Variants in SPINDOC observed in about 807,000 individuals in gnomAD.
The protein encoded by SPINDOC is spindlin interactor and repressor of chromatin-binding protein.
SPINDOC carries 13 observed loss-of-function variants against 30.7 expected under a neutral mutation model. The ratio of observed to expected loss-of-function variants is 0.42; its 90% CI spans 0.28 to 0.67. The LOEUF is 0.67. Ranked by LOEUF, SPINDOC falls within the 30% of genes least tolerant of loss-of-function variation. The pLI, the probability that SPINDOC is intolerant of heterozygous loss-of-function variation, is 0.22. For missense variants in SPINDOC, 438 were observed against 518.0 expected (o/e 0.85, Z 1.50); for synonymous variants, 228 against 211.4 (o/e 1.08, Z -0.68).
chr11:63,819,827 C>T (rs912105636), intron 5 of SPINDOC, among the ~76,000 whole-genome samples: 2 of 152,138 alleles, frequency 1.3e-5, no homozygotes, highest in Admixed American at 6.6e-5. Context: ...TTCCTTGTTT[C>T]CTGGAATTGG....
In SPINDOC at chr11:63,818,681, G is replaced by C; in HGVS notation, c.733+29G>C. 2 of 1,612,786 alleles carry C rather than the reference G, an allele frequency of 1.2e-6. No individual in the cohort carries two copies. The highest frequency in any genetic ancestry group is 1.7e-6 in the Non-Finnish European group (2 of 1,179,744). On this transcript the variant is annotated intron_variant, in intron 4 of 5. Transcript: ENST00000294244. The surrounding 1 kb of genome is among the most constrained non-coding windows in gnomAD (Gnocchi z 5.3). ...AAGGGGAGGCCCGGGGGAGGCGTGG[G>C]CTCTGGCCGCAGTGCTCTGAGGAAA... is the stretch of plus-strand genomic sequence containing the variant.
At chr11:63,819,909 C>T (rs549366873) in intron 5 of SPINDOC, among the ~76,000 whole-genome samples, 1 of 152,352 alleles carries the variant, frequency 6.6e-6, no homozygotes, top group East Asian at 1.9e-4. Context: ...TTTGTTCTAG[C>T]TAGAGCCTGA....
intron 5 of SPINDOC, among the ~76,000 whole-genome samples, chr11:63,819,576 A>C (rs2015453202): frequency 6.6e-6 from 1 of 150,768 alleles, no homozygotes; most frequent in Non-Finnish European, 1.5e-5. Context: ...GGTTCAGTGC[A>C]TCCTCTGCTT....
intron 5 of SPINDOC, chr11:63,822,941 A>C: frequency 8.1e-7 from 1 of 1,234,650 alleles, no homozygotes; most frequent in South Asian, 1.3e-5. Flanking sequence ...AGGCTGCTTG[A>C]GTGATCTGAG....
chr11:63,820,707 C>A (rs376579092), intron 5 of SPINDOC, among the ~76,000 whole-genome samples: 1 of 150,668 alleles, frequency 6.6e-6, no homozygotes, highest in Non-Finnish European at 1.5e-5. Context: ...CTGGCTAACA[C>A]GGTGAAACCC....
At chr11:63,819,150 G>A in intron 5 of SPINDOC, 148 bp downstream of exon 5, 1 of 693,398 alleles carries the variant, frequency 1.4e-6, no homozygotes, top group South Asian at 1.9e-5. Flanking sequence ...CTGGTACACG[G>A]GGCCGGGGCA....
intron 5 of SPINDOC, among the ~76,000 whole-genome samples, chr11:63,825,867 CAAAT>C (rs965340443): frequency 2.6e-5 from 4 of 152,086 alleles, no homozygotes; most frequent in African/African-American, 9.7e-5. Context: ...GGAACACACA[CAAAT>C]AAATCCTTCC....
rs2015250930 is a variant in SPINDOC at position 63,813,555 on chromosome 11, C to T, written c.-132C>T. On this transcript the variant is annotated 5_prime_UTR_variant, in exon 1 of 6. Coordinates refer to ENST00000294244, the MANE Select transcript of SPINDOC (RefSeq NM_138471.3). Reference sequence around the variant, plus strand: ...CGGCCGGCGAGCGGCGGGCGGGCGGCGGGGAGGGGGCTGCGCGGGGCGGGC... The same window carrying T: ...CGGCCGGCGAGCGGCGGGCGGGCGGTGGGGAGGGGGCTGCGCGGGGCGGGC... 1.3e-6 allele frequency: 1 copy of T among 743,364 alleles called. No individual in the cohort carries two copies. Among genetic ancestry groups the T allele is most frequent in the African/African-American group, 1.9e-5 (1 of 51,866 alleles). The allele number at this position is 743,364 out of a possible 1,614,324, so 46.0% of individuals were successfully genotyped here.
chr11:63,813,879 C>G lies in SPINDOC; in HGVS notation c.127+66C>G, dbSNP rs571105327. On this transcript the variant is annotated intron_variant, in intron 1 of 5. Coordinates refer to ENST00000294244, the MANE Select transcript of SPINDOC (RefSeq NM_138471.3). Reference sequence around the variant, plus strand: ...GGCCGGGGCTGGGGCCGTCCCTCCCCAGTCGGGGTCCGGGACCCGGGCACC... The same window carrying G: ...GGCCGGGGCTGGGGCCGTCCCTCCCGAGTCGGGGTCCGGGACCCGGGCACC... 66 of 1,417,714 alleles carry G rather than the reference C, an allele frequency of 4.7e-5. No homozygotes were observed. The African/African-American group carries it at 8.9e-4, about 19-fold the overall frequency. The allele number at this position is 1,417,714 out of a possible 1,614,324, so 87.8% of individuals were successfully genotyped here.
At chr11:63,824,447 C>T (rs892518786) in intron 5 of SPINDOC, among the ~76,000 whole-genome samples, 9 of 152,122 alleles carry the variant, frequency 5.9e-5, no homozygotes, top group African/African-American at 1.9e-4. Flanking sequence ...AGGGTGTTTG[C>T]GTCCTGCACT....
At chr11:63,814,735 GA>G (rs1270651250) in intron 1 of SPINDOC, among the ~76,000 whole-genome samples, 1 of 152,146 alleles carries the variant, frequency 6.6e-6, no homozygotes, top group Non-Finnish European at 1.5e-5. Context: ...TTTGGAACTG[GA>G]AGGGTTATAA....
intron 5 of SPINDOC, among the ~76,000 whole-genome samples, chr11:63,825,468 T>C (rs1035435860): frequency 6.6e-6 from 1 of 152,238 alleles, no homozygotes; most frequent in African/African-American, 2.4e-5. Flanking sequence ...TTTGCTACTT[T>C]GCATCTGTCC....
Position 63,818,548 on chromosome 11 carries a change from G to A in SPINDOC, c.629G>A (p.Gly210Glu), listed in dbSNP as rs1350701579. 6.2e-7 allele frequency: 1 copy of A among 1,613,096 alleles called. No homozygotes were observed. The highest frequency in any genetic ancestry group is 1.7e-5 in the Admixed American group (1 of 60,010). The change falls in exon 4 of 6, where the codon GGA (glycine) becomes GAA (glutamate). Residue 210 changes from glycine (G) to glutamate (E), a missense_variant. Transcript: ENST00000294244. The surrounding 1 kb of genome is among the most constrained non-coding windows in gnomAD (Gnocchi z 5.3). ...GCAGCTGTCCCTGCCACAGAGCCAGGAAATAAGAAGCCCCGTGGTCAGAGA... is the reference window on the plus strand; with the variant it reads ...GCAGCTGTCCCTGCCACAGAGCCAGAAAATAAGAAGCCCCGTGGTCAGAGA... The part of the protein sequence containing the change: ...ELPAVPATEP[G>E]NKKPRGQRWK...
intron 1 of SPINDOC, among the ~76,000 whole-genome samples, chr11:63,814,176 G>T (rs2015275995): frequency 1.3e-5 from 2 of 152,242 alleles, no homozygotes; most frequent in Non-Finnish European, 1.5e-5. Flanking sequence ...TCACAGCCTG[G>T]GAAGGGGAGG....
rs980846581 is a variant in SPINDOC, at chr11:63,822,735, C to G, written c.934+3733C>G. On this transcript the variant is annotated intron_variant, in intron 5 of 5. Coordinates refer to ENST00000294244, the MANE Select transcript of SPINDOC (RefSeq NM_138471.3). ...TGGTCCTCTCCGGTGGATCCCTGCT[C>G]TAAATGGCTGACCTCTTCCACTGTC... 1.4e-5 allele frequency: 18 copies of G among 1,288,930 alleles called. No homozygotes were observed. The African/African-American group carries it at 2.1e-4, about 15-fold the overall frequency. The allele number at this position is 1,288,930 out of a possible 1,614,324, so 79.8% of individuals were successfully genotyped here.
At chr11:63,814,396 A>C (rs2015283797) in intron 1 of SPINDOC, among the ~76,000 whole-genome samples, 1 of 152,166 alleles carries the variant, frequency 6.6e-6, no homozygotes, top group South Asian at 2.1e-4. Flanking sequence ...GAAGGGATGA[A>C]TGGGACTGCA....
intron 1 of SPINDOC, among the ~76,000 whole-genome samples, chr11:63,814,803 A>G (rs1442169164): frequency 2.0e-5 from 3 of 152,188 alleles, no homozygotes; most frequent in East Asian, 1.9e-4. Flanking sequence ...TCCAAAAGAT[A>G]GGTTGTTTTC....
At chr11:63,816,549 C>T (rs948514720) in intron 1 of SPINDOC, among the ~76,000 whole-genome samples, 2 of 152,012 alleles carry the variant, frequency 1.3e-5, no homozygotes, top group South Asian at 2.1e-4. Flanking sequence ...CCATGCAAGC[C>T]GAGGCTCCTA....
rs1232696994 is a variant in SPINDOC, at chr11:63,818,348, G to A, written c.590G>A (p.Arg197His). The A allele has an allele frequency of 5.6e-6, 9 of 1,613,824 alleles. No homozygotes were observed. Among genetic ancestry groups the A allele is most frequent in the Middle Eastern group, 1.6e-4 (1 of 6,062 alleles). The change falls in exon 3 of 6, where the codon CGC becomes CAC. Residue 197 changes from arginine to histidine, a missense_variant. By Grantham distance (29) the Arg-to-His change is conservative (BLOSUM62 0). Coordinates refer to ENST00000294244, the MANE Select transcript of SPINDOC (RefSeq NM_138471.3). The surrounding 1 kb of genome is among the most constrained non-coding windows in gnomAD (Gnocchi z 5.3). ...LPKRSRPRGL[R>H]PLELPAVPAT... ...AAAAGGAGCCGGCCCAGGGGACTCC[G>A]CCCCCTCGAGCTTCCTGGTTAGTCA... is the stretch of plus-strand genomic sequence containing the variant.
Sources: allele counts gnomAD v4.1 joint callset (sites outside exome capture counted in the v4.1 genomes callset), GRCh38; gene constraint gnomAD v4.1.1; non-coding constraint Gnocchi (gnomAD v3.1); transcripts MANE v1.5; gene names NCBI Gene and HGNC (gene_info 2026-07-23, HGNC 2026-07-21).